The following CTNNA3 variants were observed in gnomAD, a reference collection of about 807,000 sequenced individuals.
The protein encoded by CTNNA3 is catenin alpha 3.
Under a neutral mutation model 95.7 loss-of-function variants are expected in CTNNA3, and 76 were observed. The ratio of observed to expected loss-of-function variants is 0.79; its 90% CI spans 0.66 to 0.96. The LOEUF is 0.96. Among genes scored for constraint, CTNNA3 ranks in the 40% least tolerant of loss-of-function variants. The pLI is 0.00. For synonymous variants in CTNNA3, 431 were observed against 374.4 expected (o/e 1.15, Z -1.74); for missense variants, 1,191 against 1,089.8 (o/e 1.09, Z -1.31).
intron 7 of CTNNA3, among the ~76,000 whole-genome samples, chr10:66,919,993 A>T (rs1210156607): frequency 6.6e-6 from 1 of 152,212 alleles, no homozygotes; most frequent in Non-Finnish European, 1.5e-5. Context: ...TGTATTCTGT[A>T]TAATAAATGG....
Position 65,949,616 on chromosome 10 carries a change from T to C in CTNNA3, c.2400+16996A>G, listed in dbSNP as rs186844754. Among the ~76,000 whole-genome samples, 78 of 152,204 alleles carry C rather than the reference T, an allele frequency of 5.1e-4. 1 individual carries two copies. Among genetic ancestry groups the C allele is most frequent in the African/African-American group, 1.8e-3 (76 of 41,538 alleles). On this transcript the variant is annotated intron_variant, in intron 17 of 17. Transcript: ENST00000433211. Reference sequence around the variant, plus strand: ...TAGGGCCTGGAACTAATAAGAAAATTATTAATCTAAGTCTGAGACTAGCTT... The same window carrying C: ...TAGGGCCTGGAACTAATAAGAAAATCATTAATCTAAGTCTGAGACTAGCTT...
chr10:66,695,744 C>T (rs10762093), intron 9 of CTNNA3, among the ~76,000 whole-genome samples: 75,973 of 151,846 alleles, frequency 0.5, 19,823 homozygotes, highest in East Asian at 0.92. Flanking sequence ...GGCCATCTGA[C>T]CTTAGAAGCT....
Position 67,648,502 on chromosome 10 carries a change from C to G in CTNNA3, c.-5-984G>C, listed in dbSNP as rs140044256. Among the ~76,000 whole-genome samples, 78 of 152,296 alleles carry G rather than the reference C, an allele frequency of 5.1e-4. No individual in the cohort carries two copies. The East Asian group carries it at 0.013, about 25-fold the overall frequency. On this transcript the variant is annotated intron_variant, in intron 1 of 17. Transcript: ENST00000433211. ...CAGGGCCCCATTTGCCCCTTCAAACCTGCCAAGTGTGTCCTTGTTCCTAGT... is the reference window on the plus strand; with the variant it reads ...CAGGGCCCCATTTGCCCCTTCAAACGTGCCAAGTGTGTCCTTGTTCCTAGT...
intron 15 of CTNNA3, among the ~76,000 whole-genome samples, chr10:65,996,053 C>T (rs550795172): frequency 9.2e-5 from 14 of 152,284 alleles, no homozygotes; most frequent in African/African-American, 2.6e-4. Context: ...CCTCAAGGCA[C>T]GTGCAAGTAC....
intron 12 of CTNNA3, among the ~76,000 whole-genome samples, chr10:66,366,131 G>A (rs1202141090): frequency 1.3e-5 from 2 of 152,134 alleles, no homozygotes; most frequent in Non-Finnish European, 1.5e-5. Context: ...GTCTGTTGCA[G>A]TTCTCAGTTT....
At chr10:66,358,038 C>A (rs115778009) in intron 12 of CTNNA3, among the ~76,000 whole-genome samples, 1 of 152,076 alleles carries the variant, frequency 6.6e-6, no homozygotes, top group South Asian at 2.1e-4. Context: ...TGTGCATAGA[C>A]GTGTTTGTAG....
At chr10:67,074,059 C>G (rs989768278) in intron 7 of CTNNA3, among the ~76,000 whole-genome samples, 29 of 86,272 alleles carry the variant, frequency 3.4e-4, no homozygotes, top group African/African-American at 1.3e-3. Context: ...TTTTTTGAGA[C>G]AGAGTCTGGC....
In CTNNA3 at chr10:67,080,957, G is replaced by A. The variant is rs143377105; in HGVS notation, c.1047+99360C>T. Among the ~76,000 whole-genome samples the A allele has an allele frequency of 9.2e-3, 1,378 of 150,068 alleles. 25 individuals are homozygous for A. The highest frequency in any genetic ancestry group is 0.032 in the African/African-American group (1,311 of 41,022). On this transcript the variant is annotated intron_variant, in intron 7 of 17. Coordinates refer to ENST00000433211, the MANE Select transcript of CTNNA3 (RefSeq NM_013266.4). ...ACAACAAAAAAAAAAAAACAAAGAA[G>A]AGGTGAAGTAACTTACCTAAAGCTA...
intron 2 of CTNNA3, among the ~76,000 whole-genome samples, chr10:67,630,812 A>G (rs1839121088): frequency 1.3e-5 from 2 of 152,346 alleles, no homozygotes; most frequent in South Asian, 4.1e-4. Flanking sequence ...TCAAAAAAAA[A>G]CTTTACAAAA....
chr10:66,372,860 A>G (rs2092764538), intron 12 of CTNNA3, among the ~76,000 whole-genome samples: 1 of 152,118 alleles, frequency 6.6e-6, no homozygotes, highest in African/African-American at 2.4e-5. Context: ...CCATGATTCA[A>G]TTACCTCCCA....
intron 7 of CTNNA3, among the ~76,000 whole-genome samples, chr10:67,058,933 C>A (rs959408446): frequency 9.2e-5 from 14 of 152,080 alleles, no homozygotes; most frequent in African/African-American, 3.4e-4. Context: ...CATTGTAAGC[C>A]ATAAATCACC....
At chr10:67,653,134 G>A (rs1194946770) in intron 1 of CTNNA3, among the ~76,000 whole-genome samples, 4 of 152,222 alleles carry the variant, frequency 2.6e-5, no homozygotes, top group African/African-American at 9.6e-5. Flanking sequence ...CATGGCAGAA[G>A]GCAAGGTGGG....
At chr10:67,343,060 C>G (rs1842276050) in intron 5 of CTNNA3, among the ~76,000 whole-genome samples, 1 of 152,132 alleles carries the variant, frequency 6.6e-6, no homozygotes. Context: ...TCAAGCAATT[C>G]TTGTGCCTCA....
intron 10 of CTNNA3, among the ~76,000 whole-genome samples, chr10:66,582,605 T>A (rs533070245): frequency 4.0e-5 from 6 of 151,814 alleles, no homozygotes; most frequent in Non-Finnish European, 8.9e-5. Context: ...TGACTCCATG[T>A]TTTACAAATC....
intron 7 of CTNNA3, among the ~76,000 whole-genome samples, chr10:66,946,409 TATAC>T (rs1322111104): frequency 6.6e-6 from 1 of 152,134 alleles, no homozygotes; most frequent in Non-Finnish European, 1.5e-5. Context: ...TGGCATATAA[TATAC>T]ATAGAGAAAA....
intron 4 of CTNNA3, among the ~76,000 whole-genome samples, chr10:67,526,391 G>A (rs1840146666): frequency 1.5e-5 from 2 of 136,572 alleles, no homozygotes; most frequent in South Asian, 2.3e-4. Flanking sequence ...GACTATAAAA[G>A]TTAAGAACAT....
chr10:67,708,246 A>G (rs1841088766), intron 1 of CTNNA3, among the ~76,000 whole-genome samples: 1 of 152,180 alleles, frequency 6.6e-6, no homozygotes, highest in South Asian at 2.1e-4. Flanking sequence ...CAGAGTAATT[A>G]CAGTCAATCA....
intron 5 of CTNNA3, among the ~76,000 whole-genome samples, chr10:67,246,783 A>G (rs1156979042): frequency 6.6e-6 from 1 of 152,120 alleles, no homozygotes; most frequent in Non-Finnish European, 1.5e-5. Context: ...TTAAATAGGG[A>G]AAAATTCCTT....
In CTNNA3 at chr10:66,523,854, C is replaced by T. The variant is rs572777249; in HGVS notation, c.1375-3081G>A. On this transcript the variant is annotated intron_variant, in intron 10 of 17. Coordinates refer to ENST00000433211, the MANE Select transcript of CTNNA3 (RefSeq NM_013266.4). ...CAAATGCCGAAGTGATCATGCCCCC[C>T]ACTTGCTGATAACCTTTGATAAAAT... is the stretch of plus-strand genomic sequence containing the variant. Among the ~76,000 whole-genome samples the T allele has an allele frequency of 2.7e-3, 410 of 152,256 alleles. 5 individuals are homozygous for T. The highest frequency in any genetic ancestry group is 9.1e-3 in the African/African-American group (377 of 41,552).
Sources: gnomAD v4.1 joint callset for allele counts (sites outside exome capture counted in the v4.1 genomes callset) on GRCh38, gnomAD v4.1.1 for gene constraint, MANE v1.5 for transcripts, NCBI Gene and HGNC (gene_info 2026-07-23, HGNC 2026-07-21) for gene names.